IFT74: variants seen among roughly 807,000 people sequenced by gnomAD.
IFT74 encodes the protein intraflagellar transport protein 74 homolog.
Under a neutral mutation model 96.7 loss-of-function variants are expected in IFT74, and 92 were observed. That is an observed-to-expected ratio of 0.95 (90% CI 0.80 to 1.13). IFT74 has a LOEUF of 1.13. Ranked by LOEUF, IFT74 falls within the 50% of genes most tolerant of loss-of-function variation. The pLI, the probability that IFT74 is intolerant of heterozygous loss-of-function variation, is 0.00. For missense variants in IFT74, 811 were observed against 698.2 expected (o/e 1.16, Z -1.82); for synonymous variants, 223 against 213.2 (o/e 1.05, Z -0.40).
intron 6 of IFT74, 103 bp from the exon 7 acceptor site, chr9:26,988,566 A>G (rs1827732334): frequency 9.4e-7 from 1 of 1,064,152 alleles, no homozygotes; most frequent in Admixed American, 3.4e-5. Flanking sequence ...TACTTAAGTT[A>G]CTACTCATTA....
intron 6 of IFT74, among the ~76,000 whole-genome samples, chr9:26,988,392 G>T (rs149908319): frequency 1.1e-3 from 171 of 152,246 alleles, no homozygotes; most frequent in African/African-American, 3.8e-3. Flanking sequence ...TTCAGAGCAG[G>T]CAAAGCTCCA....
Position 26,990,189 on chromosome 9 carries a change from G to A in IFT74, c.581G>A (p.Arg194Lys). 1 of 1,451,910 alleles carries A rather than the reference G, an allele frequency of 6.9e-7. No homozygotes were observed. The highest frequency in any genetic ancestry group is 9.1e-7 in the Non-Finnish European group (1 of 1,093,430). 89.9% of individuals were successfully genotyped at this position (1,451,910 alleles called of 1,614,324 possible). A position where few individuals can be genotyped will look rare whatever the true frequency, so the allele number is the denominator to read the frequency against. ...AGTTTGGATGTCATATTTACTGAAAGACAAGCGTAAGTATAGCTAATTTAA... is the reference window on the plus strand; with the variant it reads ...AGTTTGGATGTCATATTTACTGAAAAACAAGCGTAAGTATAGCTAATTTAA... ...TQSLDVIFTE[R>K]QAKEKQIRSV... The change falls in exon 8 of 20, where the codon AGA becomes AAA. Residue 194 changes from arginine to lysine, a missense_variant. Coordinates refer to ENST00000380062, the MANE Select transcript of IFT74 (RefSeq NM_025103.4).
chr9:27,059,957 A>AAATC (rs1820342278), intron 18 of IFT74, among the ~76,000 whole-genome samples: 1 of 152,240 alleles, frequency 6.6e-6, no homozygotes, highest in African/African-American at 2.4e-5. Context: ...CCAGAGTTAC[A>AAATC]AGGTTAATTA....
intron 12 of IFT74, among the ~76,000 whole-genome samples, chr9:27,021,050 A>G (rs1157173600): frequency 6.6e-6 from 1 of 152,092 alleles, no homozygotes; most frequent in Non-Finnish European, 1.5e-5. Context: ...GAGTTTCTTC[A>G]CTTAGAATAA....
In IFT74 at chr9:26,962,007, T is replaced by A; in HGVS notation, c.40T>A (p.Ser14Thr). The A allele has an allele frequency of 1.2e-6, 2 of 1,614,162 alleles. No homozygotes were observed. The highest frequency in any genetic ancestry group is 1.7e-6 in the Non-Finnish European group (2 of 1,180,008). Residue 14 changes from serine (S) to threonine (T), a missense_variant, in exon 2 of 20, where the codon TCA becomes ACA. Physicochemically the swap from Ser to Thr is moderately conservative, Grantham distance 58. Transcript: ENST00000380062. Reference protein sequence around the residue: ...NHKSSAARPVSRGGVGLTGRP... With the variant: ...NHKSSAARPVTRGGVGLTGRP... ...CAAATCTTCAGCAGCTCGCCCTGTT[T>A]CAAGAGGTGGAGTTGGGTTAACAGG...
At chr9:27,004,656 C>T (rs891742836) in intron 8 of IFT74, among the ~76,000 whole-genome samples, 14 of 152,126 alleles carry the variant, frequency 9.2e-5, no homozygotes, top group Admixed American at 7.9e-4. Flanking sequence ...AAAAGGAAGT[C>T]AGTCATTGTT....
Position 27,047,272 on chromosome 9 carries a change from A to G in IFT74, c.1109-2A>G. 2 of 1,593,954 alleles carry G rather than the reference A, an allele frequency of 1.3e-6. No individual in the cohort carries two copies. Among genetic ancestry groups the G allele is most frequent in the Non-Finnish European group, 8.6e-7 (1 of 1,162,518 alleles). On this transcript the variant is annotated splice_acceptor_variant, in intron 14 of 19. Coordinates refer to ENST00000380062, the MANE Select transcript of IFT74 (RefSeq NM_025103.4). LOFTEE classifies it high-confidence loss of function. ...ATCTCTCTTATGTTTTCCAATTGTC[A>G]GCTTTTATTGAGACTTTTGAGGAAA...
chr9:26,972,604 C>T (rs764576349), intron 2 of IFT74, among the ~76,000 whole-genome samples: 31 of 152,296 alleles, frequency 2.0e-4, no homozygotes, highest in Non-Finnish European at 3.8e-4. Context: ...CCACAAGAGA[C>T]GGTCAGGCTT....
At chr9:27,051,940 T>C (rs1195417003) in intron 16 of IFT74, among the ~76,000 whole-genome samples, 2 of 152,164 alleles carry the variant, frequency 1.3e-5, no homozygotes, top group East Asian at 3.8e-4. Flanking sequence ...TTTAAGAATA[T>C]TTTCTCTTTT....
intron 8 of IFT74, chr9:26,999,734 A>C: frequency 7.4e-7 from 1 of 1,359,532 alleles, no homozygotes; most frequent in Non-Finnish European, 1.0e-6. Context: ...TTCATTAAGG[A>C]CATTTTTATT....
In IFT74 at chr9:27,031,576, A is replaced by G. The variant is rs190686246; in HGVS notation, c.1054+2472A>G. ...TAGTTTCTTCGACCACTTAGCTGAA[A>G]TCAGGCCCTTAACTTTACTCATTTT... On this transcript the variant is annotated intron_variant, in intron 13 of 19. Coordinates refer to ENST00000380062, the MANE Select transcript of IFT74 (RefSeq NM_025103.4). Among the ~76,000 whole-genome samples the G allele has an allele frequency of 1.9e-3, 278 of 149,222 alleles. 1 individual carries two copies. The highest frequency in any genetic ancestry group is 3.1e-3 in the Non-Finnish European group (209 of 67,422).
chr9:27,006,671 G>A (rs1828797184), intron 8 of IFT74, among the ~76,000 whole-genome samples: 1 of 149,008 alleles, frequency 6.7e-6, no homozygotes, highest in Admixed American at 6.7e-5. Context: ...AGGGGAAGGA[G>A]GAGGAGGAGG....
rs144854513 is a variant in IFT74 at position 26,995,722 on chromosome 9, A to G, written c.587+5527A>G. On this transcript the variant is annotated intron_variant, in intron 8 of 19. Coordinates refer to ENST00000380062, the MANE Select transcript of IFT74 (RefSeq NM_025103.4). The stretch of plus-strand genomic sequence containing the variant: ...CTTCATGCTCTTCCAGGCGATGATG[A>G]TTATAACTAAGCAGAATATTGTACC... 3 of 1,613,886 alleles carry G rather than the reference A, an allele frequency of 1.9e-6. No individual in the cohort carries two copies. The African/African-American group carries it at 4.0e-5, about 22-fold the overall frequency.
intron 12 of IFT74, among the ~76,000 whole-genome samples, chr9:27,021,909 C>T (rs1247831640): frequency 3.9e-5 from 6 of 152,104 alleles, no homozygotes; most frequent in Non-Finnish European, 8.8e-5. Context: ...TTTGCTTATG[C>T]CGATGTCTAG....
At chr9:26,969,158 T>C (rs1024210357) in intron 2 of IFT74, among the ~76,000 whole-genome samples, 2 of 152,164 alleles carry the variant, frequency 1.3e-5, no homozygotes, top group Non-Finnish European at 2.9e-5. Context: ...TTTTAATCTC[T>C]TCTTAGACCC....
At chr9:27,040,435 G>C (rs1237613242) in intron 13 of IFT74, among the ~76,000 whole-genome samples, 1 of 151,298 alleles carries the variant, frequency 6.6e-6, no homozygotes, top group Non-Finnish European at 1.5e-5. Context: ...TGTAGCCTCA[G>C]CTAGCTGGGA....
chr9:26,968,252 A>T (rs1305890193), intron 2 of IFT74, among the ~76,000 whole-genome samples: 1 of 140,016 alleles, frequency 7.1e-6, no homozygotes, highest in African/African-American at 2.8e-5. Context: ...GACGTTTTTT[A>T]AATTAAAAAA....
chr9:27,058,470 C>T (rs990463588), intron 18 of IFT74, among the ~76,000 whole-genome samples: 5 of 151,948 alleles, frequency 3.3e-5, no homozygotes, highest in African/African-American at 9.7e-5. Context: ...ACTGCAACCT[C>T]CACCTCCTGG....
intron 12 of IFT74, among the ~76,000 whole-genome samples, chr9:27,022,314 A>G (rs1481205540): frequency 6.6e-6 from 1 of 152,096 alleles, no homozygotes; most frequent in Admixed American, 6.5e-5. Context: ...TTGGCTATGC[A>G]GGCTCGCTTT....
Sources: gnomAD v4.1 joint callset for allele counts (sites outside exome capture counted in the v4.1 genomes callset) on GRCh38, gnomAD v4.1.1 for gene constraint, MANE v1.5 for transcripts, NCBI Gene and HGNC (gene_info 2026-07-23, HGNC 2026-07-21) for gene names.